The following DCLK1 variants were observed in gnomAD, a reference collection of about 807,000 sequenced individuals.
DCLK1 encodes the protein doublecortin like kinase 1.
DCLK1 carries 16 observed loss-of-function variants against 86.2 expected under a neutral mutation model. That is an observed-to-expected ratio of 0.19 (90% confidence interval 0.13 to 0.28). DCLK1 has a LOEUF of 0.28. Among genes scored for constraint, DCLK1 ranks in the 10% least tolerant of loss-of-function variants. The probability of loss-of-function intolerance (pLI) is 1.00; values close to 1 mark genes in which losing one functional copy is unlikely to be tolerated. For missense variants in DCLK1, 590 were observed against 940.2 expected, an observed-to-expected ratio of 0.63 and a Z score of 4.87; for synonymous variants, 369 against 370.5, an observed-to-expected ratio of 1.00 and a Z score of 0.05.
intron 3 of DCLK1, among the ~76,000 whole-genome samples, chr13:36,088,448 T>C (rs925849995): frequency 3.3e-5 from 5 of 152,362 alleles, no homozygotes; most frequent in African/African-American, 1.2e-4. Flanking sequence ...ATTCTTCCTT[T>C]ATGTAAAAGC....
chr13:35,967,841 T>TA (rs202030606), intron 3 of DCLK1, among the ~76,000 whole-genome samples: 1,780 of 147,590 alleles, frequency 0.012, 17 homozygotes, highest in South Asian at 0.029. Flanking sequence ...AAAAAAAATT[T>TA]AAAAAAAAAA....
intron 16 of DCLK1, among the ~76,000 whole-genome samples, chr13:35,792,472 C>T (rs1253844673): frequency 6.6e-6 from 1 of 152,082 alleles, no homozygotes; most frequent in African/African-American, 2.4e-5. Flanking sequence ...GTGAGAGGTG[C>T]TGTTTAATAG....
intron 4 of DCLK1, among the ~76,000 whole-genome samples, chr13:35,915,635 T>C (rs898812774): frequency 6.6e-6 from 1 of 152,104 alleles, no homozygotes; most frequent in African/African-American, 2.4e-5. Context: ...AGTCCAGAAG[T>C]TGAGGCTGCA....
intron 4 of DCLK1, among the ~76,000 whole-genome samples, chr13:35,939,527 G>C (rs936235658): frequency 1.3e-5 from 2 of 152,106 alleles, no homozygotes; most frequent in African/African-American, 4.8e-5. Context: ...ACCTCAGCCT[G>C]CCAAGTAGCT....
At chr13:36,084,315 C>T (rs1884522945) in intron 3 of DCLK1, among the ~76,000 whole-genome samples, 1 of 152,166 alleles carries the variant, frequency 6.6e-6, no homozygotes, top group Admixed American at 6.5e-5. Context: ...GTTTTAGAAA[C>T]TGGACCACAG....
chr13:35,794,685 T>C (rs1346068472), intron 15 of DCLK1, among the ~76,000 whole-genome samples: 1 of 152,232 alleles, frequency 6.6e-6, no homozygotes, highest in Non-Finnish European at 1.5e-5. Flanking sequence ...TCTGCTCCAT[T>C]TCTTTTCTTC....
intron 1 of DCLK1, among the ~76,000 whole-genome samples, chr13:36,127,397 T>C (rs1330739972): frequency 1.3e-5 from 2 of 152,204 alleles, no homozygotes; most frequent in African/African-American, 4.8e-5. Flanking sequence ...AAGACTATCT[T>C]TGTGATTGAA....
intron 4 of DCLK1, among the ~76,000 whole-genome samples, chr13:35,909,597 ATGTGTG>A (rs57044533): frequency 0.048 from 7,077 of 146,100 alleles, 557 homozygotes; most frequent in African/African-American, 0.17. Context: ...CTGTGTGCAT[ATGTGTG>A]TGTGTGTGTG....
intron 3 of DCLK1, among the ~76,000 whole-genome samples, chr13:35,988,434 T>C (rs916347999): frequency 4.6e-5 from 7 of 152,240 alleles, no homozygotes; most frequent in African/African-American, 1.7e-4. Context: ...GGATGAGGTC[T>C]GAGCACTCAC....
chr13:36,029,139 T>C (rs1882164975), intron 3 of DCLK1, among the ~76,000 whole-genome samples: 1 of 152,216 alleles, frequency 6.6e-6, no homozygotes, highest in Non-Finnish European at 1.5e-5. Context: ...TTGTGCGAGA[T>C]TCAAGAACCC....
rs1422523431 is a variant in DCLK1, at chr13:35,877,060, T to C, written c.824-5720A>G. On this transcript the variant is annotated intron_variant, in intron 4 of 16. Coordinates refer to ENST00000360631, the MANE Select transcript of DCLK1 (RefSeq NM_001330071.2). Reference sequence around the variant, plus strand: ...GGCAAGCAAGTAAGCAACATTGAATTAAATCTCTGCTCTATTTAGTCCCTA... The same window carrying C: ...GGCAAGCAAGTAAGCAACATTGAATCAAATCTCTGCTCTATTTAGTCCCTA... Among the ~76,000 whole-genome samples the C allele has an allele frequency of 2.6e-5, 4 of 152,232 alleles. No homozygotes were observed. In the East Asian group the frequency reaches 7.7e-4, roughly 29 times the overall value.
At chr13:35,860,318 GT>G (rs139542813) in intron 5 of DCLK1, among the ~76,000 whole-genome samples, 2,545 of 151,360 alleles carry the variant, frequency 0.017, 83 homozygotes, top group African/African-American at 0.059. Flanking sequence ...AATGCAGGGG[GT>G]GGGGGGTGCA....
intron 15 of DCLK1, among the ~76,000 whole-genome samples, chr13:35,795,331 A>G (rs747014122): frequency 1.1e-4 from 17 of 152,240 alleles, no homozygotes; most frequent in Non-Finnish European, 2.4e-4. Context: ...TGGTAATGGC[A>G]GAGAAAGCTG....
rs1471233296 is a variant in DCLK1, at chr13:36,126,036, C to T, written c.102G>A (p.Thr34=). 3.1e-6 allele frequency: 5 copies of T among 1,613,748 alleles called. No individual in the cohort carries two copies. In the Admixed American group the frequency reaches 5.0e-5, roughly 16 times the overall value. Reference sequence around the variant, plus strand: ...GGTAGAAGCTGCAGTGGGCGCTGTGCGTCGGGCTCGGCAGGCCGTTCACCC... The same window carrying T: ...GGTAGAAGCTGCAGTGGGCGCTGTGTGTCGGGCTCGGCAGGCCGTTCACCC... ...GSRVNGLPSP[T]HSAHCSFYRT... The change falls in exon 2 of 17, where the codon ACG becomes ACA. Residue 34 remains threonine, a synonymous_variant. Coordinates refer to ENST00000360631, the MANE Select transcript of DCLK1 (RefSeq NM_001330071.2).
At chr13:35,990,430 G>A (rs1215974734) in intron 3 of DCLK1, among the ~76,000 whole-genome samples, 6 of 151,850 alleles carry the variant, frequency 4.0e-5, no homozygotes, top group African/African-American at 1.2e-4. Context: ...TGGCTATTGC[G>A]CCTCTGATCT....
At chr13:35,925,952 G>A (rs569621195) in intron 4 of DCLK1, among the ~76,000 whole-genome samples, 4 of 152,136 alleles carry the variant, frequency 2.6e-5, no homozygotes, top group East Asian at 1.9e-4. Context: ...ACTTAAACCC[G>A]TAGTTTGCAG....
intron 3 of DCLK1, among the ~76,000 whole-genome samples, chr13:35,973,918 C>G (rs530308253): frequency 6.6e-6 from 1 of 151,988 alleles, no homozygotes; most frequent in East Asian, 1.9e-4. Flanking sequence ...CTGAGACTGG[C>G]AGGAAAGGGA....
At position 35,823,731 on chromosome 13, in the gene DCLK1, G is replaced by T. The variant is rs1022814210; in HGVS notation, c.1408-856C>A. ...ATGCTTGCCTACAGTGTACCAAACC[G>T]CTATGCACAGTAACCAACTGTGATC... On this transcript the variant is annotated intron_variant, in intron 10 of 16. Transcript: ENST00000360631. 2.6e-5 allele frequency among the ~76,000 whole-genome samples: 4 copies of T among 152,108 alleles called. No individual in the cohort carries two copies. The East Asian group carries it at 7.7e-4, about 29-fold the overall frequency.
At chr13:36,091,224 C>G (rs1884815596) in intron 3 of DCLK1, among the ~76,000 whole-genome samples, 1 of 152,058 alleles carries the variant, frequency 6.6e-6, no homozygotes, top group Non-Finnish European at 1.5e-5. Context: ...GCTTTTGTTG[C>G]AATTGCTTTT....
Sources: allele counts gnomAD v4.1 joint callset (sites outside exome capture counted in the v4.1 genomes callset), GRCh38; gene constraint gnomAD v4.1.1; transcripts MANE v1.5; gene names NCBI Gene and HGNC (gene_info 2026-07-23, HGNC 2026-07-21).